Variants in KIF6 observed in about 807,000 individuals in gnomAD.
KIF6 encodes the protein kinesin-like protein KIF6.
Under a neutral mutation model 112.7 loss-of-function variants are expected in KIF6, and 106 were observed. The observed-to-expected ratio is 0.94, with a 90% CI of 0.80 to 1.11. KIF6 has a LOEUF of 1.11. Among genes scored for constraint, KIF6 ranks in the 50% least tolerant of loss-of-function variants. KIF6 has a pLI of 0.00. For missense variants in KIF6, 929 were observed against 964.0 expected (o/e 0.96, Z 0.48); for synonymous variants, 339 against 339.9 (o/e 1.00, Z 0.03).
At chr6:39,615,331 T>C (rs1471912415) in intron 5 of KIF6, among the ~76,000 whole-genome samples, 1 of 152,178 alleles carries the variant, frequency 6.6e-6, no homozygotes, top group African/African-American at 2.4e-5. Flanking sequence ...ACTATTCTTG[T>C]GCAAGTTTGG....
intron 9 of KIF6, among the ~76,000 whole-genome samples, chr6:39,581,593 T>C (rs1184329973): frequency 6.6e-6 from 1 of 152,206 alleles, no homozygotes; most frequent in Non-Finnish European, 1.5e-5. Context: ...AACTACTTTT[T>C]GTTTTACCTA....
At chr6:39,480,369 T>C (rs1039013049) in intron 13 of KIF6, among the ~76,000 whole-genome samples, 14 of 152,252 alleles carry the variant, frequency 9.2e-5, no homozygotes, top group Non-Finnish European at 1.8e-4. Context: ...GACTTGCGCA[T>C]GTTAAACCAT....
chr6:39,572,521 C>T (rs1269183681), intron 10 of KIF6, among the ~76,000 whole-genome samples: 1 of 152,080 alleles, frequency 6.6e-6, no homozygotes, highest in African/African-American at 2.4e-5. Context: ...TAGAGGTATC[C>T]AGACACTTTG....
At chr6:39,391,847 TACACC>T (rs1440557846) in intron 15 of KIF6, among the ~76,000 whole-genome samples, 2 of 152,168 alleles carry the variant, frequency 1.3e-5, no homozygotes, top group Non-Finnish European at 2.9e-5. Context: ...CAGTTTAGGG[TACACC>T]ACTCATCAGC....
intron 13 of KIF6, among the ~76,000 whole-genome samples, chr6:39,460,529 A>T (rs1377768888): frequency 1.4e-5 from 2 of 141,644 alleles, no homozygotes; most frequent in Admixed American, 1.4e-4. Flanking sequence ...TATAATAAAA[A>T]AAAAAGTAAA....
intron 7 of KIF6, among the ~76,000 whole-genome samples, chr6:39,594,712 A>G (rs1037802663): frequency 1.3e-4 from 20 of 152,208 alleles, no homozygotes; most frequent in African/African-American, 4.6e-4. Flanking sequence ...AGGATTCATT[A>G]AGCAGTTAAA....
chr6:39,377,966 T>A (rs1274378276), intron 16 of KIF6, among the ~76,000 whole-genome samples: 1 of 152,152 alleles, frequency 6.6e-6, no homozygotes, highest in Non-Finnish European at 1.5e-5. Context: ...GAGGTAGTAT[T>A]CGTGGGGGAA....
chr6:39,552,667 C>T (rs1582117836), intron 10 of KIF6, among the ~76,000 whole-genome samples: 2 of 152,024 alleles, frequency 1.3e-5, no homozygotes, highest in African/African-American at 4.8e-5. Flanking sequence ...GAACTTTTAA[C>T]CAGGAAAGAT....
chr6:39,508,979 G>A (rs1435562518), intron 13 of KIF6, among the ~76,000 whole-genome samples: 4 of 152,074 alleles, frequency 2.6e-5, no homozygotes, highest in Admixed American at 6.5e-5. Flanking sequence ...AGTAGGGGCC[G>A]ACAGACACCT....
At chr6:39,450,445 T>C (rs1772615488) in intron 13 of KIF6, among the ~76,000 whole-genome samples, 1 of 152,244 alleles carries the variant, frequency 6.6e-6, no homozygotes, top group Admixed American at 6.5e-5. Flanking sequence ...GGCATTACTT[T>C]ACTTTTTCTA....
intron 10 of KIF6, among the ~76,000 whole-genome samples, chr6:39,566,255 C>G (rs1780268232): frequency 6.6e-6 from 1 of 152,152 alleles, no homozygotes; most frequent in African/African-American, 2.4e-5. Context: ...TACTTATCCA[C>G]TTATATATAT....
At chr6:39,354,019 A>G in intron 19 of KIF6, 1 of 367,126 alleles carries the variant, frequency 2.7e-6, no homozygotes, top group Non-Finnish European at 5.4e-6. Flanking sequence ...CCAGATTGAT[A>G]GATGACGATG....
intron 15 of KIF6, among the ~76,000 whole-genome samples, chr6:39,389,201 T>C (rs977080625): frequency 9.2e-5 from 14 of 152,164 alleles, no homozygotes; most frequent in African/African-American, 3.4e-4. Flanking sequence ...TGAAACTGAT[T>C]TTTTTACATC....
In KIF6 at chr6:39,378,124, A is replaced by C. The variant is rs778569686; in HGVS notation, c.1861+7498T>G. On this transcript the variant is annotated intron_variant, in intron 16 of 22. Coordinates refer to ENST00000287152, the MANE Select transcript of KIF6 (RefSeq NM_145027.6). The surrounding 1 kb of genome is among the most constrained non-coding windows in gnomAD (Gnocchi z 5.0). ...GGATGTTCCAGTAAGCTCTGTTTTC[A>C]CAGAAGTTGGGTCAAGGGGTAAACG... is the stretch of plus-strand genomic sequence containing the variant. 2.6e-5 allele frequency among the ~76,000 whole-genome samples: 4 copies of C among 152,146 alleles called. No individual in the cohort carries two copies. Among genetic ancestry groups the C allele is most frequent in the Non-Finnish European group, 5.9e-5 (4 of 68,028 alleles).
intron 3 of KIF6, among the ~76,000 whole-genome samples, chr6:39,668,724 A>T (rs1055766224): frequency 6.6e-6 from 1 of 152,122 alleles, no homozygotes; most frequent in Non-Finnish European, 1.5e-5. Flanking sequence ...ATGTAAATTA[A>T]TTATTAATTA....
intron 13 of KIF6, among the ~76,000 whole-genome samples, chr6:39,455,523 T>G (rs921116196): frequency 1.3e-5 from 2 of 152,164 alleles, no homozygotes; most frequent in African/African-American, 4.8e-5. Context: ...GGATGGAGAA[T>G]GATTTTGACG....
intron 13 of KIF6, among the ~76,000 whole-genome samples, chr6:39,506,305 C>A (rs1405032218): frequency 1.3e-5 from 2 of 151,958 alleles, no homozygotes; most frequent in African/African-American, 4.8e-5. Context: ...GGGAGCTGAA[C>A]AATGAGGACA....
chr6:39,404,510 C>A (rs532700398), intron 15 of KIF6, among the ~76,000 whole-genome samples: 2 of 152,302 alleles, frequency 1.3e-5, no homozygotes, highest in East Asian at 3.9e-4. Flanking sequence ...GACTCTGTAT[C>A]CTGTTCCATT....
intron 13 of KIF6, among the ~76,000 whole-genome samples, chr6:39,492,286 T>C (rs188155621): frequency 6.6e-6 from 1 of 152,310 alleles, no homozygotes; most frequent in African/African-American, 2.4e-5. Flanking sequence ...AAGAGATGCA[T>C]GGATTTTGTC....
Sources: gnomAD v4.1 joint callset for allele counts (sites outside exome capture counted in the v4.1 genomes callset) on GRCh38, gnomAD v4.1.1 for gene constraint, Gnocchi (gnomAD v3.1) non-coding constraint, MANE v1.5 for transcripts, NCBI Gene and HGNC (gene_info 2026-07-23, HGNC 2026-07-21) for gene names.